Variants in NCKAP5 observed in about 807,000 individuals in gnomAD.
NCKAP5 encodes NCK associated protein 5.
A neutral mutation model predicts 167.0 loss-of-function variants in NCKAP5; 92 were observed. The observed-to-expected ratio is 0.55, with a 90% CI of 0.47 to 0.66. NCKAP5 has a LOEUF of 0.66. NCKAP5 is among the 30% of genes least tolerant of loss of function. The pLI, the probability that NCKAP5 is intolerant of heterozygous loss-of-function variation, is 0.00. For synonymous variants in NCKAP5, 891 were observed against 877.4 expected (o/e 1.02, Z -0.27); for missense variants, 2,378 against 2,315.0 (o/e 1.03, Z -0.56).
In NCKAP5 at chr2:133,414,147, C is replaced by A. The variant is rs975767624; in HGVS notation, c.69+103311G>T. On this transcript the variant is annotated intron_variant, in intron 3 of 19. Coordinates refer to ENST00000409261, the MANE Select transcript of NCKAP5 (RefSeq NM_207363.3). ...AGCAATTTCTGTCATAACTCAGGAG[C>A]CACATAAAATACAGTGAGTTCTTAA... Among the ~76,000 whole-genome samples the A allele has an allele frequency of 2.6e-5, 4 of 152,118 alleles. No individual in the cohort carries two copies. In the East Asian group the frequency reaches 7.7e-4, roughly 29 times the overall value.
intron 3 of NCKAP5, among the ~76,000 whole-genome samples, chr2:133,439,426 A>T (rs1224819706): frequency 6.6e-6 from 1 of 152,254 alleles, no homozygotes; most frequent in Non-Finnish European, 1.5e-5. Flanking sequence ...CGGGGGCAAC[A>T]GTGCCAATTC....
At chr2:132,715,046 T>C (rs1558960549) in intron 19 of NCKAP5, among the ~76,000 whole-genome samples, 1 of 152,162 alleles carries the variant, frequency 6.6e-6, no homozygotes, top group Non-Finnish European at 1.5e-5. Context: ...TGTATATCTC[T>C]AGGTTTCTGA....
intron 5 of NCKAP5, among the ~76,000 whole-genome samples, chr2:133,158,936 T>C (rs1261473998): frequency 8.2e-6 from 1 of 121,920 alleles, no homozygotes; most frequent in Non-Finnish European, 1.8e-5. Context: ...CTACAGTAGA[T>C]AGAACAACAG....
intron 3 of NCKAP5, among the ~76,000 whole-genome samples, chr2:133,316,298 T>C (rs1186120894): frequency 2.0e-5 from 3 of 152,090 alleles, no homozygotes; most frequent in Non-Finnish European, 4.4e-5. Context: ...TCAAATGAGA[T>C]TGGGGACAAG....
intron 3 of NCKAP5, among the ~76,000 whole-genome samples, chr2:133,367,151 A>C (rs1461807680): frequency 6.6e-6 from 1 of 152,204 alleles, no homozygotes; most frequent in Admixed American, 6.5e-5. Context: ...AAACATCAAC[A>C]ACAAAACCCT....
chr2:133,210,945 G>C (rs1382590568), intron 5 of NCKAP5, among the ~76,000 whole-genome samples: 1 of 152,038 alleles, frequency 6.6e-6, no homozygotes, highest in Non-Finnish European at 1.5e-5. Flanking sequence ...CAAAGCATGA[G>C]TCAGGGATCC....
At chr2:133,464,833 T>A (rs982254319) in intron 3 of NCKAP5, among the ~76,000 whole-genome samples, 2 of 151,894 alleles carry the variant, frequency 1.3e-5, no homozygotes, top group Non-Finnish European at 2.9e-5. Context: ...AGACTTCAAC[T>A]TAAGAAGAGA....
At chr2:133,198,936 T>C (rs1049706717) in intron 5 of NCKAP5, among the ~76,000 whole-genome samples, 1 of 152,006 alleles carries the variant, frequency 6.6e-6, no homozygotes, top group African/African-American at 2.4e-5. Context: ...TAAAAGAAGT[T>C]AGAGTCCAGA....
At chr2:133,487,003 G>C (rs139235043) in intron 3 of NCKAP5, among the ~76,000 whole-genome samples, 1 of 152,280 alleles carries the variant, frequency 6.6e-6, no homozygotes, top group Non-Finnish European at 1.5e-5. Flanking sequence ...CCAGCACACT[G>C]CAGGAGTAAA....
intron 2 of NCKAP5, among the ~76,000 whole-genome samples, chr2:133,530,860 G>A (rs1685304661): frequency 6.6e-6 from 1 of 152,180 alleles, no homozygotes; most frequent in African/African-American, 2.4e-5. Context: ...CTGGAGGAGA[G>A]GTGACAGCCA....
chr2:133,055,650 A>T (rs931969061), intron 6 of NCKAP5, among the ~76,000 whole-genome samples: 1 of 152,194 alleles, frequency 6.6e-6, no homozygotes, highest in African/African-American at 2.4e-5. Context: ...AAGCTCTGAA[A>T]TGCACACACA....
At chr2:133,454,654 T>C (rs549410786) in intron 3 of NCKAP5, among the ~76,000 whole-genome samples, 8 of 152,080 alleles carry the variant, frequency 5.3e-5, no homozygotes, top group African/African-American at 1.2e-4. Context: ...ATACCTATCA[T>C]ACAAATGAAG....
intron 3 of NCKAP5, among the ~76,000 whole-genome samples, chr2:133,309,006 G>A (rs1036154762): frequency 2.0e-5 from 3 of 151,814 alleles, no homozygotes; most frequent in Non-Finnish European, 2.9e-5. Context: ...CACCGCGCCC[G>A]GCCGAAGAAA....
chr2:133,363,745 G>A (rs1216488589), intron 3 of NCKAP5, among the ~76,000 whole-genome samples: 1 of 151,964 alleles, frequency 6.6e-6, no homozygotes, highest in East Asian at 1.9e-4. Context: ...AATACTAGAT[G>A]GACTTTTGGA....
rs1274950121 is a variant in NCKAP5, at chr2:132,920,720, TA to T, written c.580-41805del. ...ATATATACGTATATGTATATATATG[TA>T]TATATATATATGTATATATATGTGT... On this transcript the variant is annotated intron_variant, in intron 8 of 19. Transcript: ENST00000409261. Among the ~76,000 whole-genome samples, 64 of 63,656 alleles carry T rather than the reference TA, an allele frequency of 1.0e-3. 3 individuals are homozygous for T. Among genetic ancestry groups the T allele is most frequent in the African/African-American group, 5.4e-3 (62 of 11,534 alleles). 41.8% of individuals were successfully genotyped at this position (63,656 alleles called of 152,430 possible). A position where few individuals can be genotyped will look rare whatever the true frequency, so the allele number is the denominator to read the frequency against.
intron 3 of NCKAP5, among the ~76,000 whole-genome samples, chr2:133,312,804 G>A (rs536348168): frequency 2.0e-5 from 3 of 152,250 alleles, no homozygotes; most frequent in African/African-American, 4.8e-5. Flanking sequence ...TATAAATATT[G>A]GTCAATTCTT....
the NCKAP5 span, among the ~76,000 whole-genome samples, chr2:133,619,483 A>G: frequency 6.6e-6 from 1 of 151,820 alleles, no homozygotes; most frequent in Non-Finnish European, 1.5e-5. Flanking sequence ...CAAGCAGAAG[A>G]AAGAACTTCA....
chr2:133,213,646 G>A (rs2086301168), intron 5 of NCKAP5, 70 bp downstream of exon 5: 3 of 1,491,638 alleles, frequency 2.0e-6, no homozygotes, highest in Non-Finnish European at 2.8e-6. Context: ...TATCCTTAAT[G>A]AGGCAAAGTA....
rs576986927 is a variant in NCKAP5, at chr2:132,952,791, G to A, written c.579+10929C>T. Among the ~76,000 whole-genome samples the A allele has an allele frequency of 8.5e-5, 13 of 152,312 alleles. No homozygotes were observed. In the East Asian group the frequency reaches 9.7e-4, roughly 11 times the overall value. On this transcript the variant is annotated intron_variant, in intron 8 of 19. Transcript: ENST00000409261. ...ACGTATTTTTCTACACTCCAAAGGC[G>A]TTTCTTCTGAAGTCACTGGGGGCAT...
Sources: gnomAD v4.1 joint callset for allele counts (sites outside exome capture counted in the v4.1 genomes callset) on GRCh38, gnomAD v4.1.1 for gene constraint, MANE v1.5 for transcripts, NCBI Gene and HGNC (gene_info 2026-07-23, HGNC 2026-07-21) for gene names.